The following YTHDC2 variants were observed in gnomAD, a reference collection of about 807,000 sequenced individuals.
YTHDC2 encodes the protein YTH N6-methyladenosine RNA binding protein C2.
YTHDC2 carries 45 observed loss-of-function variants against 174.9 expected under a neutral mutation model. The ratio of observed to expected loss-of-function variants is 0.26; its 90% confidence interval spans 0.20 to 0.33. The LOEUF (loss-of-function observed/expected upper bound fraction) is 0.33, where lower values mean the gene tolerates loss of function less well. Among genes scored for constraint, YTHDC2 ranks in the 10% least tolerant of loss-of-function variants. The probability of loss-of-function intolerance (pLI) is 1.00; values close to 1 mark genes in which losing one functional copy is unlikely to be tolerated. For synonymous variants in YTHDC2, 657 were observed against 574.5 expected, an observed-to-expected ratio of 1.14 and a Z score of -2.05; for missense variants, 1,650 against 1,723.7, an observed-to-expected ratio of 0.96 and a Z score of 0.76.
chr5:113,584,659 A>T (rs1778578800), intron 26 of YTHDC2, among the ~76,000 whole-genome samples, 180 bp downstream of exon 26: 1 of 152,090 alleles, frequency 6.6e-6, no homozygotes. Flanking sequence ...TGCATGCCAA[A>T]TATTTCTAGT....
chr5:113,579,442 G>T, intron 23 of YTHDC2, 144 bp from the exon 24 acceptor site: 1 of 491,444 alleles, frequency 2.0e-6, no homozygotes, highest in Admixed American at 3.7e-5. Context: ...TTTAACATGT[G>T]ATCTTTTGAG....
chr5:113,567,997 A>G (rs757020529), intron 23 of YTHDC2, 148 bp downstream of exon 23: 16 of 471,236 alleles, frequency 3.4e-5, no homozygotes, highest in Non-Finnish European at 7.0e-6. Context: ...TAATTAGGAA[A>G]TACTAAGGTA....
chr5:113,586,452 A>C (rs1778684641), intron 26 of YTHDC2, among the ~76,000 whole-genome samples: 1 of 151,922 alleles, frequency 6.6e-6, no homozygotes, highest in African/African-American at 2.4e-5. Flanking sequence ...TTCTAACAGT[A>C]TGTGGCTTGT....
chr5:113,538,241 C>G (rs911739080), intron 7 of YTHDC2, among the ~76,000 whole-genome samples: 6 of 152,148 alleles, frequency 3.9e-5, no homozygotes, highest in African/African-American at 1.2e-4. Flanking sequence ...CTTGGCTTGA[C>G]GTAGCATTCT....
In YTHDC2 at chr5:113,522,135, T is replaced by G. The variant is rs535069998; in HGVS notation, c.279-2846T>G. ...ATCAAATGAATGCCTGTTTTTTTTG[T>G]TTTTTGTTTTTTTTTTTTTTGGTGG... On this transcript the variant is annotated intron_variant, in intron 2 of 29. Coordinates refer to ENST00000161863, the MANE Select transcript of YTHDC2 (RefSeq NM_022828.5). 2.1e-3 allele frequency among the ~76,000 whole-genome samples: 123 copies of G among 58,954 alleles called. No homozygotes were observed. In the South Asian group the frequency reaches 0.026, roughly 12 times the overall value. 38.7% of individuals were successfully genotyped at this position (58,954 alleles called of 152,430 possible).
chr5:113,542,628 A>G (rs1162202757), intron 10 of YTHDC2, 125 bp downstream of exon 10: 9 of 780,954 alleles, frequency 1.2e-5, no homozygotes, highest in East Asian at 5.9e-5. Flanking sequence ...AAAAGTATTT[A>G]TTTTATTTCA....
At chr5:113,514,968 C>T (rs1332542089) in intron 1 of YTHDC2, among the ~76,000 whole-genome samples, 1 of 152,118 alleles carries the variant, frequency 6.6e-6, no homozygotes, top group South Asian at 2.1e-4. Context: ...CTCAAAATTC[C>T]AGAACAAGTA....
chr5:113,549,166 G>C (rs934346217), intron 12 of YTHDC2, 146 bp downstream of exon 12: 7 of 624,130 alleles, frequency 1.1e-5, no homozygotes, highest in African/African-American at 5.6e-5. Flanking sequence ...TTTTCTGTCT[G>C]ATCTACCATG....
In YTHDC2 at chr5:113,577,241, A is replaced by G. The variant is rs543243414; in HGVS notation, c.3245-2345A>G. On this transcript the variant is annotated intron_variant, in intron 23 of 29. Transcript: ENST00000161863. ...TCTAATATCTGGTAGTAGAAGCTCT[A>G]GCTGTAACTCTTTACTGCCTTTCTG... Among the ~76,000 whole-genome samples, 225 of 152,142 alleles carry G rather than the reference A, an allele frequency of 1.5e-3. 1 individual carries two copies. Among genetic ancestry groups the G allele is most frequent in the Non-Finnish European group, 2.4e-3 (160 of 68,018 alleles).
intron 12 of YTHDC2, among the ~76,000 whole-genome samples, chr5:113,550,476 C>T (rs1390354713): frequency 6.6e-6 from 1 of 151,902 alleles, no homozygotes; most frequent in Non-Finnish European, 1.5e-5. Flanking sequence ...TAAATGTTTA[C>T]CAGTCATAGT....
rs1776410013 is a variant in YTHDC2, at chr5:113,553,615, A to T, written c.1893A>T (p.Gly631=). ...DAGAVLIFLP[G]YDEIVGLRDR... is the part of the protein sequence containing the mutation. ...GTGCAGTACTAATTTTTCTGCCTGG[A>T]TATGACGAAATTGTTGGACTGAGAG... Residue 631 remains glycine, a synonymous_variant, in exon 14 of 30, where the codon GGA becomes GGT. Transcript: ENST00000161863. The T allele has an allele frequency of 6.2e-7, 1 of 1,613,334 alleles. No individual in the cohort carries two copies. The highest frequency in any genetic ancestry group is 1.3e-5 in the African/African-American group (1 of 74,884).
intron 18 of YTHDC2, 125 bp downstream of exon 18, chr5:113,561,310 T>C (rs907131270): frequency 3.2e-6 from 2 of 624,814 alleles, no homozygotes; most frequent in South Asian, 5.5e-5. Flanking sequence ...ATATATATTA[T>C]GGAGGGTGGC....
chr5:113,581,191 G>A, intron 24 of YTHDC2: 1 of 387,620 alleles, frequency 2.6e-6, no homozygotes, highest in Non-Finnish European at 4.5e-6. Flanking sequence ...ATTGTTTACT[G>A]TCTTTCTTAT....
At chr5:113,571,985 A>T (rs879735809) in intron 23 of YTHDC2, among the ~76,000 whole-genome samples, 2 of 151,734 alleles carry the variant, frequency 1.3e-5, no homozygotes, top group Admixed American at 1.3e-4. Flanking sequence ...TTCTGCTCTG[A>T]TATTAGTTAT....
intron 26 of YTHDC2, among the ~76,000 whole-genome samples, chr5:113,585,002 A>G (rs185135185): frequency 2.0e-5 from 3 of 151,946 alleles, no homozygotes; most frequent in South Asian, 2.1e-4. Flanking sequence ...GTTGGCCTCA[A>G]ACTCCTGGGC....
chr5:113,540,077 G>A (rs552891472), intron 8 of YTHDC2, among the ~76,000 whole-genome samples: 1 of 152,160 alleles, frequency 6.6e-6, no homozygotes, highest in South Asian at 2.1e-4. Context: ...TTGTAGATAC[G>A]CAGTCTAGTT....
chr5:113,522,271 A>G (rs1454967547), intron 2 of YTHDC2, among the ~76,000 whole-genome samples: 2 of 151,812 alleles, frequency 1.3e-5, no homozygotes, highest in Admixed American at 6.6e-5. Flanking sequence ...ATTTACAAGT[A>G]GGGAATATTG....
chr5:113,528,563 C>T (rs1032208639), intron 4 of YTHDC2, among the ~76,000 whole-genome samples: 1 of 151,824 alleles, frequency 6.6e-6, no homozygotes, highest in Non-Finnish European at 1.5e-5. Flanking sequence ...CACTCTGTCG[C>T]CCAGGCTGGA....
intron 24 of YTHDC2, among the ~76,000 whole-genome samples, chr5:113,580,710 TG>T (rs1170816307): frequency 6.6e-6 from 1 of 152,232 alleles, no homozygotes; most frequent in African/African-American, 2.4e-5. Context: ...CTGGGATAAA[TG>T]TGACCTCTAT....
Sources: gnomAD v4.1 joint callset for allele counts (sites outside exome capture counted in the v4.1 genomes callset) on GRCh38, gnomAD v4.1.1 for gene constraint, MANE v1.5 for transcripts, NCBI Gene and HGNC (gene_info 2026-07-23, HGNC 2026-07-21) for gene names.